The following ZNF528 variants were observed in gnomAD, a reference collection of about 807,000 sequenced individuals.
The protein encoded by ZNF528 is zinc finger protein 528.
In ZNF528, 9 loss-of-function variants were observed where a neutral mutation model predicts 13.3. That is an observed-to-expected ratio of 0.67 (90% CI 0.41 to 1.18). The LOEUF (loss-of-function observed/expected upper bound fraction) is 1.18, where lower values mean the gene tolerates loss of function less well. ZNF528 is among the 50% of genes most tolerant of loss of function. The probability of loss-of-function intolerance (pLI) is 0.01; values close to 1 mark genes in which losing one functional copy is unlikely to be tolerated. For missense variants in ZNF528, 858 were observed against 745.4 expected, an observed-to-expected ratio of 1.15 and a Z score of -1.76; for synonymous variants, 264 against 254.3, an observed-to-expected ratio of 1.04 and a Z score of -0.36.
chr19:52,400,284 A>G (rs867718164), intron 2 of ZNF528, among the ~76,000 whole-genome samples: 2 of 149,710 alleles, frequency 1.3e-5, no homozygotes, highest in East Asian at 3.9e-4. Flanking sequence ...TTTTTCCACT[A>G]TTTCATCCTC....
chr19:52,414,589 G>C, intron 6 of ZNF528: 1 of 454,734 alleles, frequency 2.2e-6, no homozygotes, highest in Non-Finnish European at 4.0e-6. Context: ...GCACCAGGGA[G>C]TGATTACCTT....
chr19:52,417,411 C>G lies in ZNF528; in HGVS notation c.*672C>G, dbSNP rs183344274. The G allele has an allele frequency of 1.2e-5, 2 of 165,352 alleles. No individual in the cohort carries two copies. The highest frequency in any genetic ancestry group is 2.8e-3 in the Middle Eastern group (1 of 352). 10.2% of individuals were successfully genotyped at this position (165,352 alleles called of 1,614,324 possible). ...CATACTGTTGCAGTTAGCACACTTT[C>G]TCCTGACATAAGTGCACAGAGCTTC... On this transcript the variant is annotated 3_prime_UTR_variant, in exon 7 of 7. Transcript: ENST00000360465.
intron 2 of ZNF528, 57 bp downstream of exon 2, chr19:52,398,676 G>C (rs759339196): frequency 2.2e-5 from 20 of 907,792 alleles, no homozygotes; most frequent in Non-Finnish European, 2.5e-5. Flanking sequence ...AATAGCAGGG[G>C]AGAAAAGTAA....
chr19:52,408,773 G>C (rs541410983), intron 6 of ZNF528, among the ~76,000 whole-genome samples: 47 of 152,088 alleles, frequency 3.1e-4, no homozygotes, highest in African/African-American at 1.1e-3. Context: ...CACCATGTTG[G>C]CTAGGCTGGT....
intron 6 of ZNF528, among the ~76,000 whole-genome samples, chr19:52,410,628 T>C (rs1290860011): frequency 6.6e-6 from 1 of 152,242 alleles, no homozygotes; most frequent in Admixed American, 6.5e-5. Flanking sequence ...TTTGTGTTTA[T>C]GTATTACTGT....
rs1274749634 is a variant in ZNF528 at position 52,415,382 on chromosome 19, A to C, written c.530A>C (p.Gln177Pro). ...CATGCTCCATTACTTCCACAAGAACAGAAAGCACACATTAGGGAAAAAGCT... is the reference window on the plus strand; with the variant it reads ...CATGCTCCATTACTTCCACAAGAACCGAAAGCACACATTAGGGAAAAAGCT... ...FDHAPLLPQEQKAHIREKAYK... is the reference protein window; with the variant it reads ...FDHAPLLPQEPKAHIREKAYK... The change falls in exon 7 of 7, where the codon CAG (glutamine) becomes CCG (proline). Residue 177 changes from glutamine (Q) to proline (P), a missense_variant. Physicochemically the swap from Gln to Pro is moderately conservative, Grantham distance 76. Transcript: ENST00000360465. 4.3e-6 allele frequency: 7 copies of C among 1,614,102 alleles called. No homozygotes were observed. Among genetic ancestry groups the C allele is most frequent in the Non-Finnish European group, 5.9e-6 (7 of 1,180,012 alleles).
chr19:52,398,492 C>A lies in ZNF528; in HGVS notation c.-264C>A. ...GAAAATGAGCTCTTCCGGAAGTGGG[C>A]ATCTTATTCCAATCCCCTCCCTGTG... On this transcript the variant is annotated 5_prime_UTR_variant, in exon 2 of 7. Transcript: ENST00000360465. 1 of 801,236 alleles carries A rather than the reference C, an allele frequency of 1.2e-6. No homozygotes were observed. Among genetic ancestry groups the A allele is most frequent in the Non-Finnish European group, 1.5e-6 (1 of 661,564 alleles). The allele number at this position is 801,236 out of a possible 1,614,324, so 49.6% of individuals were successfully genotyped here. A position where few individuals can be genotyped will look rare whatever the true frequency, so the allele number is the denominator to read the frequency against.
At chr19:52,401,207 A>G (rs1311470818) in intron 2 of ZNF528, among the ~76,000 whole-genome samples, 1 of 151,750 alleles carries the variant, frequency 6.6e-6, no homozygotes, top group Non-Finnish European at 1.5e-5. Context: ...TGGGACATCC[A>G]CAGGCATCTC....
In ZNF528 at chr19:52,405,964, C is replaced by T; in HGVS notation, c.73C>T (p.Leu25=). ...IEFSQEEWKC[L]DPAQRTLYRD... is the part of the protein sequence containing the mutation. ...GTTCTCTCAGGAAGAGTGGAAATGC[C>T]TGGACCCTGCGCAGAGGACTTTATA... The change falls in exon 5 of 7, where the codon CTG becomes TTG. Residue 25 remains leucine (L), a synonymous_variant. Coordinates refer to ENST00000360465, the MANE Select transcript of ZNF528 (RefSeq NM_032423.3). 6.2e-7 allele frequency: 1 copy of T among 1,612,258 alleles called. No individual in the cohort carries two copies. Among genetic ancestry groups the T allele is most frequent in the Non-Finnish European group, 8.5e-7 (1 of 1,178,714 alleles).
At chr19:52,405,229 A>C (rs1266417151) in intron 4 of ZNF528, among the ~76,000 whole-genome samples, 3 of 150,682 alleles carry the variant, frequency 2.0e-5, no homozygotes, top group Non-Finnish European at 3.0e-5. Flanking sequence ...AAAAAAAAAA[A>C]AAAACCCAAA....
rs371918549 is a variant in ZNF528 at position 52,406,259 on chromosome 19, G to C, written c.142+226G>C. Among the ~76,000 whole-genome samples the C allele has an allele frequency of 1.2e-4, 19 of 152,268 alleles. No homozygotes were observed. The East Asian group carries it at 3.1e-3, about 25-fold the overall frequency. The stretch of plus-strand genomic sequence containing the variant: ...GGTGGCACCAGGGCCGAAGTATGCA[G>C]GAAACCTTATGACAAACTTTAAAAA... On this transcript the variant is annotated intron_variant, in intron 5 of 6. Coordinates refer to ENST00000360465, the MANE Select transcript of ZNF528 (RefSeq NM_032423.3).
intron 4 of ZNF528, among the ~76,000 whole-genome samples, chr19:52,402,974 T>A (rs2058812676): frequency 2.0e-5 from 3 of 152,222 alleles, no homozygotes. Context: ...GAGACTATCC[T>A]GGACACCTAG....
At chr19:52,414,371 G>A (rs1156795987) in intron 6 of ZNF528, 24 of 701,070 alleles carry the variant, frequency 3.4e-5, no homozygotes, top group Middle Eastern at 2.3e-4. Context: ...AGACAAAGGT[G>A]TATATTTGGA....
Position 52,406,043 on chromosome 19 carries a change from A to G in ZNF528, c.142+10A>G, listed in dbSNP as rs370994436. 1.6e-5 allele frequency: 26 copies of G among 1,607,734 alleles called. No individual in the cohort carries two copies. Among genetic ancestry groups the G allele is most frequent in the African/African-American group, 4.0e-5 (3 of 74,632 alleles). On this transcript the variant is annotated intron_variant, in intron 5 of 6. Transcript: ENST00000360465. Reference sequence around the variant, plus strand: ...AACCTGGTCTCCCTGGGTGAGGATAATGTCCCCTCAGAAGCCGGGATCTGC... The same window carrying G: ...AACCTGGTCTCCCTGGGTGAGGATAGTGTCCCCTCAGAAGCCGGGATCTGC...
In ZNF528 at chr19:52,415,107, TTTTC is replaced by T. The variant is rs1334929900; in HGVS notation, c.272-11_272-8del. On this transcript the variant is annotated splice_polypyrimidine_tract_variant and intron_variant, in intron 6 of 6. Transcript: ENST00000360465. ...ATTATCATGGGTTGAAGTTCCACTT[TTTTC>T]TTTCTGTTTTAGAGAGGAGCTCTAA... 1.2e-6 allele frequency: 2 copies of T among 1,609,834 alleles called. No homozygotes were observed. Among genetic ancestry groups the T allele is most frequent in the South Asian group, 1.1e-5 (1 of 90,454 alleles).
chr19:52,411,564 A>G (rs531359472), intron 6 of ZNF528: 1 of 152,346 alleles, frequency 6.6e-6, no homozygotes, highest in East Asian at 1.9e-4. Context: ...TTTTACCAAC[A>G]GATGAAGTTG....
chr19:52,413,089 C>T (rs933738671), intron 6 of ZNF528: 11 of 152,302 alleles, frequency 7.2e-5, no homozygotes, highest in Admixed American at 4.6e-4. Context: ...GTGCATAGGG[C>T]TCCTACAACC....
At chr19:52,414,395 G>A (rs2058972386) in intron 6 of ZNF528, 2 of 689,452 alleles carry the variant, frequency 2.9e-6, no homozygotes, top group Admixed American at 2.1e-5. Flanking sequence ...AGGGGTCAGG[G>A]GGCTCCTTCT....
Position 52,416,641 on chromosome 19 carries a change from A to C in ZNF528, c.1789A>C (p.Arg597=). The C allele has an allele frequency of 6.2e-7, 1 of 1,614,206 alleles. No homozygotes were observed. The highest frequency in any genetic ancestry group is 8.5e-7 in the Non-Finnish European group (1 of 1,180,028). Residue 597 remains arginine, a synonymous_variant, in exon 7 of 7, where the codon AGA becomes CGA. Coordinates refer to ENST00000360465, the MANE Select transcript of ZNF528 (RefSeq NM_032423.3). ...GAAGTCTTCCCTCACCAATCACCAT[A>C]GAATTCACATTGGAGAGAAACCTTA... ...TQKSSLTNHH[R]IHIGEKPYKC...
Sources: gnomAD v4.1 joint callset for allele counts (sites outside exome capture counted in the v4.1 genomes callset) on GRCh38, gnomAD v4.1.1 for gene constraint, MANE v1.5 for transcripts, NCBI Gene and HGNC (gene_info 2026-07-23, HGNC 2026-07-21) for gene names.